The following PTPRD variants were observed in gnomAD, a reference collection of about 807,000 sequenced individuals.
PTPRD encodes receptor-type tyrosine-protein phosphatase delta.
In PTPRD, 34 loss-of-function variants were observed where a neutral mutation model predicts 214.5. That is an observed-to-expected ratio of 0.16 (90% CI 0.12 to 0.21). The LOEUF is 0.21. Among genes scored for constraint, PTPRD ranks in the 10% least tolerant of loss-of-function variants. The pLI is 1.00. For synonymous variants in PTPRD, 1,128 were observed against 845.7 expected, an observed-to-expected ratio of 1.33 and a Z score of -5.79; for missense variants, 2,545 against 2,398.7, an observed-to-expected ratio of 1.06 and a Z score of -1.27.
intron 3 of PTPRD, among the ~76,000 whole-genome samples, chr9:10,103,117 T>C (rs148018313): frequency 6.1e-4 from 92 of 151,628 alleles, no homozygotes; most frequent in African/African-American, 2.1e-3. Context: ...AGACCTAGTA[T>C]AGCTGAGGGA....
At chr9:9,146,317 G>C (rs1230347132) in intron 10 of PTPRD, among the ~76,000 whole-genome samples, 1 of 151,976 alleles carries the variant, frequency 6.6e-6, no homozygotes, top group African/African-American at 2.4e-5. Context: ...TAGTAAGTCA[G>C]TGTTTCTCAA....
intron 3 of PTPRD, among the ~76,000 whole-genome samples, chr9:10,194,206 G>C (rs772152800): frequency 6.6e-6 from 1 of 151,452 alleles, no homozygotes; most frequent in Non-Finnish European, 1.5e-5. Flanking sequence ...CTTTATTCTG[G>C]ACTGTCCCTT....
intron 9 of PTPRD, among the ~76,000 whole-genome samples, chr9:9,328,618 C>CTTTTTTTTTTTTTTT (rs869076374): frequency 3.5e-5 from 1 of 28,228 alleles, no homozygotes; most frequent in African/African-American, 1.3e-4. Context: ...GTTGTTCTTG[C>CTTTTTTTTTTTTTTT]TTTTTTTTTT....
chr9:8,983,526 T>C (rs1035410676), intron 11 of PTPRD, among the ~76,000 whole-genome samples: 2 of 147,472 alleles, frequency 1.4e-5, no homozygotes, highest in African/African-American at 4.9e-5. Context: ...TCCCCCCGCT[T>C]TTGTTTTGGA....
intron 5 of PTPRD, among the ~76,000 whole-genome samples, chr9:9,780,267 G>C (rs960573805): frequency 6.6e-6 from 1 of 152,178 alleles, no homozygotes; most frequent in African/African-American, 2.4e-5. Context: ...AGGGGTCAGT[G>C]AGGGAGGGGA....
chr9:10,036,578 A>G (rs888861320), intron 3 of PTPRD, among the ~76,000 whole-genome samples: 5 of 133,358 alleles, frequency 3.7e-5, no homozygotes, highest in Non-Finnish European at 8.0e-5. Flanking sequence ...ATTTTTTTTT[A>G]TTTTATTTCA....
In PTPRD at chr9:8,433,825, T is replaced by G. The variant is rs73422330; in HGVS notation, c.4086+2767A>C. Among the ~76,000 whole-genome samples the G allele has an allele frequency of 3.5e-3, 538 of 152,272 alleles. 2 individuals carry two copies. Among genetic ancestry groups the G allele is most frequent in the African/African-American group, 0.012 (518 of 41,542 alleles). The stretch of plus-strand genomic sequence containing the variant: ...AAATAAACTTTTAAAATAAATTTGG[T>G]ATAGCTTAAGTTTATAGTGTTTATA... On this transcript the variant is annotated intron_variant, in intron 35 of 45. Coordinates refer to ENST00000381196, the MANE Select transcript of PTPRD (RefSeq NM_002839.4).
chr9:8,498,872 T>C (rs538486253), intron 25 of PTPRD, among the ~76,000 whole-genome samples: 1 of 152,298 alleles, frequency 6.6e-6, no homozygotes, highest in South Asian at 2.1e-4. Context: ...TATGGGACTA[T>C]CTTTGAATCA....
intron 13 of PTPRD, among the ~76,000 whole-genome samples, chr9:8,634,414 T>C (rs932147738): frequency 6.6e-6 from 1 of 152,052 alleles, no homozygotes; most frequent in African/African-American, 2.4e-5. Context: ...AAATTGAGAT[T>C]GCCTCATATA....
intron 12 of PTPRD, among the ~76,000 whole-genome samples, chr9:8,698,433 T>C (rs1176348578): frequency 2.6e-5 from 4 of 152,234 alleles, no homozygotes; most frequent in Middle Eastern, 3.2e-3. Context: ...TGCGGAAATG[T>C]AGCAAGTGTA....
intron 39 of PTPRD, among the ~76,000 whole-genome samples, chr9:8,372,808 C>T (rs374775092): frequency 1.3e-5 from 2 of 151,912 alleles, no homozygotes; most frequent in African/African-American, 4.8e-5. Context: ...AGTCCAATTA[C>T]AGCACAGAAT....
chr9:9,314,317 A>C (rs1279756323), intron 9 of PTPRD, among the ~76,000 whole-genome samples: 2 of 152,162 alleles, frequency 1.3e-5, no homozygotes, highest in Non-Finnish European at 2.9e-5. Flanking sequence ...ATACTGAATG[A>C]GTTGAAGAAA....
At chr9:8,894,277 C>T (rs1040136517) in intron 11 of PTPRD, among the ~76,000 whole-genome samples, 1 of 144,990 alleles carries the variant, frequency 6.9e-6, no homozygotes, top group Non-Finnish European at 1.5e-5. Context: ...ATTGCTTGAA[C>T]CTGGGAGGCA....
intron 3 of PTPRD, among the ~76,000 whole-genome samples, chr9:10,199,189 T>C (rs972775596): frequency 4.6e-5 from 7 of 152,068 alleles, no homozygotes; most frequent in Admixed American, 6.6e-5. Context: ...TATTTTATAA[T>C]GTATATTTCC....
At chr9:9,139,327 G>C (rs1424793055) in intron 10 of PTPRD, among the ~76,000 whole-genome samples, 3 of 151,962 alleles carry the variant, frequency 2.0e-5, no homozygotes, top group Non-Finnish European at 4.4e-5. Context: ...ATGTTGATGA[G>C]GAAAAAAATT....
chr9:8,335,894 T>C (rs1473952872), intron 43 of PTPRD, among the ~76,000 whole-genome samples: 1 of 151,500 alleles, frequency 6.6e-6, no homozygotes, highest in Non-Finnish European at 1.5e-5. Context: ...TCAAAGAGAA[T>C]AAAATACCTA....
intron 11 of PTPRD, among the ~76,000 whole-genome samples, chr9:8,782,621 G>A (rs1488872107): frequency 1.0e-4 from 15 of 144,922 alleles, no homozygotes; most frequent in Non-Finnish European, 1.5e-4. Context: ...TTTTTGAGAC[G>A]GAGTCTCGCC....
At chr9:9,234,353 G>C (rs2099965185) in intron 9 of PTPRD, among the ~76,000 whole-genome samples, 1 of 152,276 alleles carries the variant, frequency 6.6e-6, no homozygotes, top group Non-Finnish European at 1.5e-5. Flanking sequence ...GGCGGGCCCT[G>C]GGCCCAGCCC....
chr9:8,625,445 G>A (rs1177609968), intron 14 of PTPRD, among the ~76,000 whole-genome samples: 1 of 151,708 alleles, frequency 6.6e-6, no homozygotes, highest in Non-Finnish European at 1.5e-5. Flanking sequence ...TAGAAAGGTA[G>A]AAAATATCTA....
Sources: gnomAD v4.1 joint callset for allele counts (sites outside exome capture counted in the v4.1 genomes callset) on GRCh38, gnomAD v4.1.1 for gene constraint, MANE v1.5 for transcripts, NCBI Gene and HGNC (gene_info 2026-07-23, HGNC 2026-07-21) for gene names.